The following ABAT variants were observed in gnomAD, a reference collection of about 807,000 sequenced individuals.
The protein encoded by ABAT is 4-aminobutyrate aminotransferase, also known as 4-aminobutyrate aminotransferase, mitochondrial.
ABAT carries 45 observed loss-of-function variants against 64.6 expected under a neutral mutation model. The observed-to-expected ratio is 0.70, with a 90% CI of 0.55 to 0.89. ABAT has a LOEUF of 0.89. Ranked by LOEUF, ABAT falls within the 40% of genes least tolerant of loss-of-function variation. The pLI is 0.00. For missense variants in ABAT, 633 were observed against 658.4 expected (o/e 0.96, Z 0.42); for synonymous variants, 297 against 250.5 (o/e 1.19, Z -1.75).
At chr16:8,767,847 TG>T (rs2059989913) in intron 9 of ABAT, among the ~76,000 whole-genome samples, 1 of 152,060 alleles carries the variant, frequency 6.6e-6, no homozygotes, top group African/African-American at 2.4e-5. Context: ...GTCTAATTTT[TG>T]TATTTTTAGT....
chr16:8,678,613 A>G (rs1221586919), intron 1 of ABAT, among the ~76,000 whole-genome samples: 2 of 152,206 alleles, frequency 1.3e-5, no homozygotes, highest in Admixed American at 6.5e-5. Context: ...CGAAACTTCA[A>G]TGGCATGCTC....
At chr16:8,740,667 G>A (rs951932362) in intron 2 of ABAT, among the ~76,000 whole-genome samples, 9 of 152,160 alleles carry the variant, frequency 5.9e-5, no homozygotes, top group African/African-American at 1.7e-4. Flanking sequence ...GATAGTTAAC[G>A]ATCTGACATG....
At position 8,735,017 on chromosome 16, in the gene ABAT, A is replaced by C. The variant is rs145073327; in HGVS notation, c.-41-682A>C. 5.1e-3 allele frequency among the ~76,000 whole-genome samples: 734 copies of C among 144,870 alleles called. 9 individuals carry two copies. Among genetic ancestry groups the C allele is most frequent in the African/African-American group, 0.018 (690 of 38,874 alleles). ...GAGGTCAGAAGTTCAAGACCAAACT[A>C]GCCAACATAGTGAAACCCCATCTCT... On this transcript the variant is annotated intron_variant, in intron 1 of 15. Coordinates refer to ENST00000268251, the MANE Select transcript of ABAT (RefSeq NM_020686.6).
In ABAT at chr16:8,715,266, A is replaced by G. The variant is rs1009562121; in HGVS notation, c.-41-20433A>G. The G allele has an allele frequency of 3.7e-4, 56 of 152,218 alleles. 1 individual carries two copies. The highest frequency in any genetic ancestry group is 1.3e-3 in the African/African-American group (53 of 41,452). The allele number at this position is 152,218 out of a possible 1,614,324, so 9.4% of individuals were successfully genotyped here. A position where few individuals can be genotyped will look rare whatever the true frequency, so the allele number is the denominator to read the frequency against. On this transcript the variant is annotated intron_variant, in intron 1 of 15. Coordinates refer to ENST00000268251, the MANE Select transcript of ABAT (RefSeq NM_020686.6). ...GGTTCCAGGTTAAAAGAGATTAAAG[A>G]GCCATGAGCCCAAATGCAATGTTTG...
chr16:8,721,753 T>C (rs2058377923), intron 1 of ABAT, among the ~76,000 whole-genome samples: 1 of 152,192 alleles, frequency 6.6e-6, no homozygotes, highest in Non-Finnish European at 1.5e-5. Flanking sequence ...CCTCTCACTT[T>C]TACTGATTTA....
intron 1 of ABAT, among the ~76,000 whole-genome samples, chr16:8,686,986 A>G (rs1435312664): frequency 6.6e-6 from 1 of 152,222 alleles, no homozygotes; most frequent in African/African-American, 2.4e-5. Flanking sequence ...TTGGAAGTGC[A>G]GAGTGGCCTT....
chr16:8,676,193 C>T (rs759934486), intron 1 of ABAT, among the ~76,000 whole-genome samples: 41 of 152,002 alleles, frequency 2.7e-4, no homozygotes, highest in South Asian at 8.3e-4. Context: ...AGGTTAGCCA[C>T]GGGGAGAGGT....
chr16:8,741,579 C>T (rs187079605), intron 2 of ABAT, among the ~76,000 whole-genome samples: 15 of 152,298 alleles, frequency 9.8e-5, no homozygotes, highest in Admixed American at 2.6e-4. Context: ...CCTAAGTGCT[C>T]AGTACACACT....
At chr16:8,675,870 C>G (rs952667424) in intron 1 of ABAT, among the ~76,000 whole-genome samples, 14 of 152,172 alleles carry the variant, frequency 9.2e-5, no homozygotes, top group South Asian at 2.1e-4. Flanking sequence ...GCATTTCCCC[C>G]CTAAAGTGTG....
chr16:8,762,560 G>A (rs926000824), intron 6 of ABAT, among the ~76,000 whole-genome samples: 2 of 152,190 alleles, frequency 1.3e-5, no homozygotes, highest in African/African-American at 4.8e-5. Context: ...GGTTTAGAAA[G>A]CTATCCTCAT....
At chr16:8,748,493 G>T (rs2059393383) in intron 4 of ABAT, among the ~76,000 whole-genome samples, 2 of 152,096 alleles carry the variant, frequency 1.3e-5, no homozygotes, top group Admixed American at 6.6e-5. Flanking sequence ...TACTTGAGAA[G>T]AATCTATATT....
intron 1 of ABAT, among the ~76,000 whole-genome samples, chr16:8,686,471 G>A (rs1489130090): frequency 1.3e-5 from 2 of 152,194 alleles, no homozygotes; most frequent in Non-Finnish European, 2.9e-5. Flanking sequence ...TTTGGCTCCA[G>A]CTTTACCCAT....
At chr16:8,697,506 C>CG (rs1280672343) in intron 1 of ABAT, among the ~76,000 whole-genome samples, 1 of 152,082 alleles carries the variant, frequency 6.6e-6, no homozygotes, top group Non-Finnish European at 1.5e-5. Flanking sequence ...TGGAAATGCC[C>CG]GGAACAGTCC....
intron 1 of ABAT, among the ~76,000 whole-genome samples, chr16:8,682,891 A>G (rs2057368518): frequency 6.6e-6 from 1 of 152,160 alleles, no homozygotes; most frequent in Non-Finnish European, 1.5e-5. Context: ...GCGTTTTAAC[A>G]ATATCCCCTG....
At chr16:8,722,159 G>T (rs971321537) in intron 1 of ABAT, among the ~76,000 whole-genome samples, 2 of 152,234 alleles carry the variant, frequency 1.3e-5, no homozygotes, top group African/African-American at 2.4e-5. Flanking sequence ...GGGAAAGGAG[G>T]GGGCCAGGCC....
At chr16:8,728,436 G>A (rs949196151) in intron 1 of ABAT, among the ~76,000 whole-genome samples, 2 of 152,162 alleles carry the variant, frequency 1.3e-5, no homozygotes, top group South Asian at 4.1e-4. Context: ...ATTGTGTGAC[G>A]CCTCAGTGCT....
chr16:8,682,232 A>T (rs115880484), intron 1 of ABAT, among the ~76,000 whole-genome samples: 2,568 of 119,094 alleles, frequency 0.022, 72 homozygotes, highest in African/African-American at 0.076. Context: ...CACACAGAGG[A>T]GGCATTCAGG....
Position 8,743,248 on chromosome 16 carries a change from G to C in ABAT, c.71-2753G>C, listed in dbSNP as rs543440659. ...AACCAAAGCAATTATGGAAAATTAA[G>C]AGTGATTTTAAATATGTTTCAAAAT... On this transcript the variant is annotated intron_variant, in intron 2 of 15. Coordinates refer to ENST00000268251, the MANE Select transcript of ABAT (RefSeq NM_020686.6). 1.7e-3 allele frequency among the ~76,000 whole-genome samples: 264 copies of C among 150,896 alleles called. 1 individual carries two copies. Among genetic ancestry groups the C allele is most frequent in the African/African-American group, 6.2e-3 (254 of 41,094 alleles).
chr16:8,706,558 A>T (rs958730723), intron 1 of ABAT, among the ~76,000 whole-genome samples: 1 of 152,032 alleles, frequency 6.6e-6, no homozygotes, highest in African/African-American at 2.4e-5. Context: ...TACTAAAAAT[A>T]CAAAAATTAG....
Sources: allele counts gnomAD v4.1 joint callset (sites outside exome capture counted in the v4.1 genomes callset), GRCh38; gene constraint gnomAD v4.1.1; transcripts MANE v1.5; gene names NCBI Gene and HGNC (gene_info 2026-07-23, HGNC 2026-07-21).